Variants in ENTPD5 observed in about 807,000 individuals in gnomAD.
ENTPD5 encodes ectonucleoside triphosphate diphosphohydrolase 5 (inactive), also known as nucleoside diphosphate phosphatase ENTPD5.
Under a neutral mutation model 60.2 loss-of-function variants are expected in ENTPD5, and 49 were observed. That is an observed-to-expected ratio of 0.81 (90% confidence interval 0.65 to 1.03). ENTPD5 has a LOEUF of 1.03. ENTPD5 is among the 50% of genes least tolerant of loss of function. ENTPD5 has a pLI of 0.00. For synonymous variants in ENTPD5, 187 were observed against 185.4 expected (o/e 1.01, Z -0.07); for missense variants, 480 against 507.6 (o/e 0.95, Z 0.52).
At chr14:73,973,776 C>A in intron 12 of ENTPD5, 101 bp downstream of exon 12, 2 of 976,644 alleles carry the variant, frequency 2.0e-6, no homozygotes, top group East Asian at 2.5e-5. Context: ...GTCCCTGCAA[C>A]AAGATAAGCT....
intron 3 of ENTPD5, among the ~76,000 whole-genome samples, chr14:74,010,350 T>G (rs2140858733): frequency 6.6e-6 from 1 of 151,944 alleles, no homozygotes; most frequent in East Asian, 1.9e-4. Context: ...AGGTCGGGAG[T>G]TTGAGACCAG....
intron 3 of ENTPD5, among the ~76,000 whole-genome samples, chr14:74,006,166 TTAG>T (rs1431553117): frequency 6.6e-6 from 1 of 152,010 alleles, no homozygotes; most frequent in African/African-American, 2.4e-5. Context: ...TTTTGTATTT[TTAG>T]TAGAGACAAA....
intron 11 of ENTPD5, among the ~76,000 whole-genome samples, chr14:73,974,702 C>T (rs1174844076): frequency 1.3e-5 from 2 of 152,186 alleles, no homozygotes; most frequent in African/African-American, 4.8e-5. Flanking sequence ...TACCCCTGAA[C>T]AAGTAGACCT....
downstream of ENTPD5, chr14:73,956,264 C>G: frequency 6.4e-6 from 2 of 314,382 alleles, no homozygotes; most frequent in Non-Finnish European, 1.3e-5. Context: ...GGAGGTGGAG[C>G]TTGCAGTGAG....
chr14:73,985,688 GGTTGCCT>G (rs1444566101), intron 5 of ENTPD5, among the ~76,000 whole-genome samples: 1 of 152,022 alleles, frequency 6.6e-6, no homozygotes, highest in Admixed American at 6.6e-5. Context: ...CCGTTCTGTA[GGTTGCCT>G]GTTTACTCTG....
chr14:73,969,675 G>C (rs2057135163), intron 15 of ENTPD5, among the ~76,000 whole-genome samples: 1 of 151,844 alleles, frequency 6.6e-6, no homozygotes. Flanking sequence ...TTGCACTCCA[G>C]CCCAGGAAAC....
At chr14:74,010,458 GCAGGAGAATCGC>G (rs1342212862) in intron 3 of ENTPD5, among the ~76,000 whole-genome samples, 1 of 152,036 alleles carries the variant, frequency 6.6e-6, no homozygotes, top group Non-Finnish European at 1.5e-5. Context: ...GGAGGCTGAG[GCAGGAGAATCGC>G]TTGAACCCAG....
downstream of ENTPD5, chr14:73,958,526 G>C: frequency 7.5e-7 from 1 of 1,335,038 alleles, no homozygotes; most frequent in Non-Finnish European, 9.6e-7. Flanking sequence ...ACAGGCACCA[G>C]AGTGTTGGGA....
chr14:73,998,859 A>G (rs929428058), intron 3 of ENTPD5, among the ~76,000 whole-genome samples: 2 of 152,164 alleles, frequency 1.3e-5, no homozygotes, highest in Admixed American at 6.5e-5. Flanking sequence ...TAGAAAATAA[A>G]GTTGAAGAGA....
intron 3 of ENTPD5, among the ~76,000 whole-genome samples, chr14:74,005,258 TCA>T (rs1181235309): frequency 1.8e-4 from 17 of 95,778 alleles, no homozygotes; most frequent in Non-Finnish European, 2.7e-4. Flanking sequence ...AGGGTGAGAC[TCA>T]GTCTCAAAAA....
At chr14:73,982,615 G>C (rs2057737684) in intron 6 of ENTPD5, among the ~76,000 whole-genome samples, 1 of 152,090 alleles carries the variant, frequency 6.6e-6, no homozygotes, top group South Asian at 2.1e-4. Context: ...AATTAGTCGG[G>C]TGTGGTGGCA....
At position 74,010,453 on chromosome 14, in the gene ENTPD5, C is replaced by A. The variant is rs140326958; in HGVS notation, c.-71+638G>T. Among the ~76,000 whole-genome samples, 544 of 152,052 alleles carry A rather than the reference C, an allele frequency of 3.6e-3. 3 individuals are homozygous for A. The highest frequency in any genetic ancestry group is 0.014 in the Middle Eastern group (4 of 294). ...CTTGTAATCCCAACTACTCGGGAGG[C>A]TGAGGCAGGAGAATCGCTTGAACCC... is the stretch of plus-strand genomic sequence containing the variant. On this transcript the variant is annotated intron_variant, in intron 3 of 15. Coordinates refer to ENST00000334696, the MANE Select transcript of ENTPD5 (RefSeq NM_001249.5).
At chr14:73,976,534 G>A in intron 8 of ENTPD5, 122 bp from the exon 9 acceptor site, 1 of 705,968 alleles carries the variant, frequency 1.4e-6, no homozygotes, top group South Asian at 1.9e-5. Context: ...CCAGCCCCAA[G>A]GCTGCAGGTG....
At chr14:74,011,728 G>A (rs1030814081) in intron 2 of ENTPD5, among the ~76,000 whole-genome samples, 2 of 152,140 alleles carry the variant, frequency 1.3e-5, no homozygotes, top group Non-Finnish European at 2.9e-5. Context: ...AATATGGGAA[G>A]TCGAGGTTGC....
downstream of ENTPD5, chr14:73,955,928 G>A: frequency 6.2e-7 from 1 of 1,613,990 alleles, no homozygotes. Context: ...GGCTGTGTCT[G>A]GTGAGGCCCC....
intron 13 of ENTPD5, among the ~76,000 whole-genome samples, chr14:73,972,648 T>C (rs1474261597): frequency 2.0e-5 from 3 of 150,088 alleles, no homozygotes; most frequent in East Asian, 2.0e-4. Context: ...TGTGCACTTA[T>C]TGTATGCCAA....
intron 3 of ENTPD5, among the ~76,000 whole-genome samples, chr14:74,002,446 A>G (rs957548738): frequency 1.3e-4 from 20 of 152,074 alleles, no homozygotes; most frequent in African/African-American, 4.8e-4. Context: ...TTATTTATTT[A>G]TGTAGAGATG....
Position 73,963,576 on chromosome 14 carries a change from C to A in ENTPD5, c.*3352G>T, listed in dbSNP as rs1302500032. On this transcript the variant is annotated 3_prime_UTR_variant, in exon 16 of 16. Coordinates refer to ENST00000334696, the MANE Select transcript of ENTPD5 (RefSeq NM_001249.5). ...TTATTTATGGTTCCTCTCTGGGACA[C>A]CACTGTCGGTTTAATAAAACAATAA... 6.4e-6 allele frequency: 1 copy of A among 156,918 alleles called. No individual in the cohort carries two copies. The highest frequency in any genetic ancestry group is 1.4e-5 in the Non-Finnish European group (1 of 71,620). The allele number at this position is 156,918 out of a possible 1,614,324, so 9.7% of individuals were successfully genotyped here.
chr14:73,955,658 G>T (rs569943248), downstream of ENTPD5: 874 of 1,415,200 alleles, frequency 6.2e-4, 13 homozygotes, highest in South Asian at 7.5e-3. Context: ...ATTCCCAGGA[G>T]AATTTTCTTC....
Sources: allele counts gnomAD v4.1 joint callset (sites outside exome capture counted in the v4.1 genomes callset), GRCh38; gene constraint gnomAD v4.1.1; transcripts MANE v1.5; gene names NCBI Gene and HGNC (gene_info 2026-07-23, HGNC 2026-07-21).